Variants in CSMD1 observed in about 807,000 individuals in gnomAD.
CSMD1 encodes CUB and sushi domain-containing protein 1.
In CSMD1, 213 loss-of-function variants were observed where a neutral mutation model predicts 417.5. The observed-to-expected ratio is 0.51, with a 90% CI of 0.46 to 0.57. The LOEUF (loss-of-function observed/expected upper bound fraction) is 0.57. Among genes scored for constraint, CSMD1 ranks in the 20% least tolerant of loss-of-function variants. CSMD1 has a pLI of 0.00. For synonymous variants in CSMD1, 2,862 were observed against 1,736.8 expected (o/e 1.65, Z -16.11); for missense variants, 6,923 against 4,529.7 (o/e 1.53, Z -15.17).
At chr8:4,326,169 C>T (rs559787977) in intron 3 of CSMD1, among the ~76,000 whole-genome samples, 2 of 152,258 alleles carry the variant, frequency 1.3e-5, no homozygotes, top group African/African-American at 4.8e-5. Context: ...GAGAATTTGG[C>T]TTTCTAACAA....
At chr8:4,462,803 C>A (rs545087194) in intron 2 of CSMD1, among the ~76,000 whole-genome samples, 9 of 150,250 alleles carry the variant, frequency 6.0e-5, no homozygotes, top group African/African-American at 2.3e-4. Flanking sequence ...CTTCCTTACA[C>A]TATCCACAAA....
intron 25 of CSMD1, among the ~76,000 whole-genome samples, chr8:3,299,997 C>G (rs1015793650): frequency 8.6e-5 from 13 of 152,036 alleles, no homozygotes; most frequent in Admixed American, 5.9e-4. Context: ...GAAAAGTGCC[C>G]TGGAGGTGAC....
At chr8:2,940,545 T>C (rs1485953520) in intron 69 of CSMD1, among the ~76,000 whole-genome samples, 1 of 152,148 alleles carries the variant, frequency 6.6e-6, no homozygotes, top group Admixed American at 6.6e-5. Flanking sequence ...TGAGATCTCT[T>C]TCCAAGGCAC....
intron 5 of CSMD1, among the ~76,000 whole-genome samples, chr8:3,874,158 T>G (rs1805662729): frequency 6.6e-6 from 1 of 152,298 alleles, no homozygotes; most frequent in African/African-American, 2.4e-5. Flanking sequence ...CAATCTGCTA[T>G]GTGCTATAAA....
At chr8:3,850,039 A>G (rs1027995021) in intron 5 of CSMD1, among the ~76,000 whole-genome samples, 2 of 152,110 alleles carry the variant, frequency 1.3e-5, no homozygotes, top group Admixed American at 6.5e-5. Flanking sequence ...CAGGTGATCC[A>G]CCAGCCTCAG....
At chr8:3,038,682 GCT>G (rs1325127578) in intron 50 of CSMD1, among the ~76,000 whole-genome samples, 30 of 145,090 alleles carry the variant, frequency 2.1e-4, no homozygotes. Flanking sequence ...TATCCTTAGA[GCT>G]CTTTGCTGAA....
intron 1 of CSMD1, among the ~76,000 whole-genome samples, chr8:4,801,627 A>G (rs1442650358): frequency 1.3e-5 from 2 of 152,146 alleles, no homozygotes; most frequent in Non-Finnish European, 2.9e-5. Context: ...CACACTCTGG[A>G]TTCTGAAACC....
intron 3 of CSMD1, among the ~76,000 whole-genome samples, chr8:4,208,610 AAT>A (rs1197945012): frequency 7.2e-5 from 11 of 152,220 alleles, no homozygotes; most frequent in African/African-American, 1.9e-4. Flanking sequence ...TAAGAAAATG[AAT>A]ATAGAGTCAT....
At chr8:4,072,085 C>T (rs1457398321) in intron 3 of CSMD1, among the ~76,000 whole-genome samples, 1 of 152,166 alleles carries the variant, frequency 6.6e-6, no homozygotes, top group Non-Finnish European at 1.5e-5. Flanking sequence ...ACATGCTTGA[C>T]CTGAAAATCA....
intron 12 of CSMD1, among the ~76,000 whole-genome samples, chr8:3,439,417 CTATG>C (rs76391150): frequency 0.12 from 18,144 of 147,658 alleles, 1,400 homozygotes; most frequent in East Asian, 0.27. Flanking sequence ...ACACAGTGTT[CTATG>C]TGTTTATGGT....
At chr8:4,791,086 G>GAGAGACGGTGAGAAGAGACGGTGAGA (rs1202824040) in intron 1 of CSMD1, among the ~76,000 whole-genome samples, 35 of 131,472 alleles carry the variant, frequency 2.7e-4, no homozygotes, top group African/African-American at 9.1e-4. Context: ...GAGACGGTGA[G>GAGAGACGGTGAGAAGAGACGGTGAGA]AGAGACGGTG....
chr8:4,203,529 A>G (rs902887068), intron 3 of CSMD1, among the ~76,000 whole-genome samples: 1 of 152,106 alleles, frequency 6.6e-6, no homozygotes, highest in African/African-American at 2.4e-5. Context: ...GAATCCAAGT[A>G]CCTTCTGTTA....
At chr8:3,493,822 G>C (rs757381679) in intron 10 of CSMD1, 96 bp from the exon 11 acceptor site, 13 of 921,002 alleles carry the variant, frequency 1.4e-5, no homozygotes, top group Non-Finnish European at 2.2e-5. Context: ...GTTAAATTTT[G>C]CTCCTTAATG....
rs992272831 is a variant in CSMD1, at chr8:4,114,942, G to A, written c.416-82843C>T. ...GTATGCTGAGATACAATCTACTCCT[G>A]GTAAAGATGCCATAAACATTGTTGA... On this transcript the variant is annotated intron_variant, in intron 3 of 69. Transcript: ENST00000635120. Among the ~76,000 whole-genome samples, 6 of 152,040 alleles carry A rather than the reference G, an allele frequency of 3.9e-5. No individual in the cohort carries two copies. The East Asian group carries it at 7.7e-4, about 20-fold the overall frequency.
intron 3 of CSMD1, among the ~76,000 whole-genome samples, chr8:4,053,621 G>T (rs986794870): frequency 6.6e-6 from 1 of 151,940 alleles, no homozygotes; most frequent in Non-Finnish European, 1.5e-5. Flanking sequence ...TATTACTACA[G>T]ATTTCATTTG....
At chr8:4,473,289 A>G (rs1800632198) in intron 2 of CSMD1, among the ~76,000 whole-genome samples, 1 of 152,204 alleles carries the variant, frequency 6.6e-6, no homozygotes, top group African/African-American at 2.4e-5. Flanking sequence ...TAGAAATATG[A>G]CAATCAATGT....
At chr8:4,141,297 T>A (rs771797463) in intron 3 of CSMD1, among the ~76,000 whole-genome samples, 1 of 151,110 alleles carries the variant, frequency 6.6e-6, no homozygotes, top group Non-Finnish European at 1.5e-5. Context: ...AAATCCGTAA[T>A]TCCCAAGATG....
intron 3 of CSMD1, among the ~76,000 whole-genome samples, chr8:4,153,091 T>A (rs972746378): frequency 1.3e-5 from 2 of 152,156 alleles, no homozygotes; most frequent in Non-Finnish European, 2.9e-5. Flanking sequence ...TTTTCAGATG[T>A]GTAATTAATG....
At chr8:3,061,291 T>A (rs540157591) in intron 49 of CSMD1, among the ~76,000 whole-genome samples, 2 of 152,196 alleles carry the variant, frequency 1.3e-5, no homozygotes, top group African/African-American at 4.8e-5. Context: ...CAGCAGCAAA[T>A]AGTCACATTT....
Sources: allele counts gnomAD v4.1 joint callset (sites outside exome capture counted in the v4.1 genomes callset), GRCh38; gene constraint gnomAD v4.1.1; transcripts MANE v1.5; gene names NCBI Gene and HGNC (gene_info 2026-07-23, HGNC 2026-07-21).